Variants in PRKAG2 observed in about 807,000 individuals in gnomAD.
The protein encoded by PRKAG2 is 5'-AMP-activated protein kinase subunit gamma-2.
PRKAG2 carries 26 observed loss-of-function variants against 69.6 expected under a neutral mutation model. The ratio of observed to expected loss-of-function variants is 0.37; its 90% CI spans 0.27 to 0.52. PRKAG2 has a LOEUF of 0.52. PRKAG2 is among the 20% of genes least tolerant of loss of function. PRKAG2 has a pLI of 0.90. For synonymous variants in PRKAG2, 293 were observed against 285.0 expected (o/e 1.03, Z -0.28); for missense variants, 557 against 740.0 (o/e 0.75, Z 2.87).
At chr7:151,718,130 A>G (rs1391760040) in intron 3 of PRKAG2, among the ~76,000 whole-genome samples, 1 of 152,162 alleles carries the variant, frequency 6.6e-6, no homozygotes, top group Admixed American at 6.5e-5. Context: ...AACAGAGCAC[A>G]TAGATGGGGT....
chr7:151,704,875 C>A (rs1838333992), intron 3 of PRKAG2, among the ~76,000 whole-genome samples: 1 of 152,154 alleles, frequency 6.6e-6, no homozygotes, highest in South Asian at 2.1e-4. Flanking sequence ...AGGTTTTGAA[C>A]CCAAGTGTAA....
intron 1 of PRKAG2, among the ~76,000 whole-genome samples, chr7:151,819,958 A>C (rs2078730245): frequency 6.6e-6 from 1 of 152,234 alleles, no homozygotes; most frequent in African/African-American, 2.4e-5. Context: ...CAATCAGTTT[A>C]AGTGACGTGC....
rs2076418626 is a variant in PRKAG2, at chr7:151,777,302, T to C, written c.466+3850A>G. On this transcript the variant is annotated intron_variant, in intron 3 of 15. Coordinates refer to ENST00000287878, the MANE Select transcript of PRKAG2 (RefSeq NM_016203.4). This position sits in a 1 kb window ranked among gnomAD's most constrained non-coding sequence, Gnocchi z 4.3. ...GAGCACAGTGTCTGCTGGGACCCGC[T>C]GAGATCCAGAGGGGCTGGGAGTCTT... Among the ~76,000 whole-genome samples, 1 of 152,156 alleles carries C rather than the reference T, an allele frequency of 6.6e-6. No individual in the cohort carries two copies. Among genetic ancestry groups the C allele is most frequent in the Non-Finnish European group, 1.5e-5 (1 of 68,010 alleles).
At chr7:151,560,810 T>C (rs1166663025) in intron 14 of PRKAG2, among the ~76,000 whole-genome samples, 193 bp from the exon 15 acceptor site, 1 of 152,084 alleles carries the variant, frequency 6.6e-6, no homozygotes, top group Non-Finnish European at 1.5e-5. Flanking sequence ...GTGGTCCCAG[T>C]TACTTGGTGG....
At chr7:151,817,752 C>T (rs1393739943) in intron 1 of PRKAG2, among the ~76,000 whole-genome samples, 1 of 152,150 alleles carries the variant, frequency 6.6e-6, no homozygotes, top group Non-Finnish European at 1.5e-5. Flanking sequence ...TCCATTTTAT[C>T]GATAAGGAAA....
chr7:151,852,450 G>A (rs968915961), intron 1 of PRKAG2, among the ~76,000 whole-genome samples: 2 of 152,054 alleles, frequency 1.3e-5, no homozygotes, highest in African/African-American at 2.4e-5. Flanking sequence ...AGTCAAGATC[G>A]CACCACTGCA....
intron 11 of PRKAG2, among the ~76,000 whole-genome samples, chr7:151,568,011 C>T (rs1806654626): frequency 6.6e-6 from 1 of 152,236 alleles, no homozygotes; most frequent in Non-Finnish European, 1.5e-5. Flanking sequence ...AGACCTTCTA[C>T]TGGTTCTATT....
intron 1 of PRKAG2, among the ~76,000 whole-genome samples, chr7:151,830,905 T>C (rs920804920): frequency 1.3e-5 from 2 of 151,962 alleles, no homozygotes; most frequent in Admixed American, 1.3e-4. Flanking sequence ...TAAAAATCCT[T>C]TCTTTTAGGT....
intron 4 of PRKAG2, among the ~76,000 whole-genome samples, chr7:151,663,173 G>A (rs549932474): frequency 6.6e-6 from 1 of 152,318 alleles, no homozygotes; most frequent in African/African-American, 2.4e-5. Flanking sequence ...CTGTTTGTCT[G>A]TGCCACTTCA....
intron 5 of PRKAG2, among the ~76,000 whole-genome samples, chr7:151,610,739 CTTTTTT>C (rs10523596): frequency 1.9e-5 from 2 of 105,604 alleles, no homozygotes; most frequent in Non-Finnish European, 3.7e-5. Flanking sequence ...TTTTTCTTTT[CTTTTTT>C]TTTTTTTTTT....
intron 5 of PRKAG2, among the ~76,000 whole-genome samples, chr7:151,608,030 G>A (rs1817915546): frequency 6.6e-6 from 1 of 152,212 alleles, no homozygotes. Flanking sequence ...ATAAGAGAGA[G>A]AGAGAAGATG....
chr7:151,818,609 AC>A (rs1279169532), intron 1 of PRKAG2, among the ~76,000 whole-genome samples: 2 of 151,690 alleles, frequency 1.3e-5, no homozygotes, highest in African/African-American at 4.8e-5. Context: ...CCCATATTCT[AC>A]CCCCCTTTTA....
At position 151,650,486 on chromosome 7, in the gene PRKAG2, A is replaced by G. The variant is rs932275042; in HGVS notation, c.685-18348T>C. ...GCAGTTCCTGTCGCTGTGTTCCTAA[A>G]GATCTGTGGATGACAGTAATGCTTG... On this transcript the variant is annotated intron_variant, in intron 4 of 15. Transcript: ENST00000287878. Among the ~76,000 whole-genome samples, 6 of 152,168 alleles carry G rather than the reference A, an allele frequency of 3.9e-5. 1 individual carries two copies. Among genetic ancestry groups the G allele is most frequent in the African/African-American group, 1.4e-4 (6 of 41,420 alleles).
At chr7:151,625,447 G>A (rs897005006) in intron 5 of PRKAG2, among the ~76,000 whole-genome samples, 7 of 152,152 alleles carry the variant, frequency 4.6e-5, no homozygotes, top group African/African-American at 1.4e-4. Flanking sequence ...CGGGAAGTGC[G>A]GACTCCTACA....
chr7:151,718,820 C>A (rs1490822178), intron 3 of PRKAG2, among the ~76,000 whole-genome samples: 1 of 152,034 alleles, frequency 6.6e-6, no homozygotes, highest in Admixed American at 6.5e-5. Flanking sequence ...TTCTCTCATT[C>A]TTGTCCACCA....
At chr7:151,728,104 C>T (rs1034777605) in intron 3 of PRKAG2, among the ~76,000 whole-genome samples, 6 of 152,228 alleles carry the variant, frequency 3.9e-5, no homozygotes, top group African/African-American at 4.8e-5. Flanking sequence ...GGAGGGGAGA[C>T]GCCACCTCCT....
chr7:151,605,982 G>A (rs933451480), intron 5 of PRKAG2, among the ~76,000 whole-genome samples: 2 of 151,440 alleles, frequency 1.3e-5, no homozygotes, highest in Admixed American at 6.6e-5. Flanking sequence ...AGGACATGGA[G>A]GTTGCAGTGA....
At position 151,604,651 on chromosome 7, in the gene PRKAG2, CACACAT is replaced by C. The variant is rs1169971675; in HGVS notation, c.755-9203_755-9198del. Among the ~76,000 whole-genome samples the C allele has an allele frequency of 1.6e-3, 241 of 151,942 alleles. 3 individuals are homozygous for C. The highest frequency in any genetic ancestry group is 5.5e-3 in the African/African-American group (230 of 41,522). On this transcript the variant is annotated intron_variant, in intron 5 of 15. Transcript: ENST00000287878. ...AGACTCTGTCACACACACATACACA[CACACAT>C]ACACACACACCCCAACAATGTATTA...
chr7:151,760,056 AT>A (rs1265116791), intron 3 of PRKAG2, among the ~76,000 whole-genome samples: 1 of 152,144 alleles, frequency 6.6e-6, no homozygotes. Flanking sequence ...TTATGTGGGA[AT>A]TTATCAAAGA....
Sources: allele counts gnomAD v4.1 joint callset (sites outside exome capture counted in the v4.1 genomes callset), GRCh38; gene constraint gnomAD v4.1.1; non-coding constraint Gnocchi (gnomAD v3.1); transcripts MANE v1.5; gene names NCBI Gene and HGNC (gene_info 2026-07-23, HGNC 2026-07-21).